The following SRC variants were observed in gnomAD, a reference collection of about 807,000 sequenced individuals.
SRC encodes SRC proto-oncogene, non-receptor tyrosine kinase, also known as proto-oncogene tyrosine-protein kinase Src.
In SRC, 13 loss-of-function variants were observed where a neutral mutation model predicts 62.9. The observed-to-expected ratio is 0.21, with a 90% CI of 0.13 to 0.33. The LOEUF (loss-of-function observed/expected upper bound fraction) is 0.33. Among genes scored for constraint, SRC ranks in the 10% least tolerant of loss-of-function variants. The pLI is 1.00. For missense variants in SRC, 457 were observed against 737.3 expected (o/e 0.62, Z 4.40); for synonymous variants, 302 against 317.5 (o/e 0.95, Z 0.52).
Position 37,403,018 on chromosome 20 carries a change from G to A in SRC, c.1402+138G>A. 2 of 1,332,266 alleles carry A rather than the reference G, an allele frequency of 1.5e-6. No homozygotes were observed. The highest frequency in any genetic ancestry group is 1.4e-5 in the South Asian group (1 of 69,064). 82.5% of individuals were successfully genotyped at this position (1,332,266 alleles called of 1,614,324 possible). A position where few individuals can be genotyped will look rare whatever the true frequency, so the allele number is the denominator to read the frequency against. ...TGAGCGTCTGATGTTAGGCTCTCTCGATGGTCCATGCTCTCAGCTTCGGGG... is the reference window on the plus strand; with the variant it reads ...TGAGCGTCTGATGTTAGGCTCTCTCAATGGTCCATGCTCTCAGCTTCGGGG... On this transcript the variant is annotated intron_variant, in intron 13 of 13. Coordinates refer to ENST00000373578, the MANE Select transcript of SRC (RefSeq NM_198291.3). The surrounding 1 kb of genome is among the most constrained non-coding windows in gnomAD (Gnocchi z 7.1).
Position 37,393,887 on chromosome 20 carries a change from C to T in SRC, c.351-8C>T, listed in dbSNP as rs766850568. 6.2e-7 allele frequency: 1 copy of T among 1,608,960 alleles called. No individual in the cohort carries two copies. The highest frequency in any genetic ancestry group is 8.5e-7 in the Non-Finnish European group (1 of 1,175,548). On this transcript the variant is annotated splice_polypyrimidine_tract_variant and splice_region_variant and intron_variant, in intron 5 of 13. Transcript: ENST00000373578. ...TCTCCTTTCCTCCCTCCTTCTGTCCCTGCTCAGAGAGGGAGACTGGTGGCT... is the reference window on the plus strand; with the variant it reads ...TCTCCTTTCCTCCCTCCTTCTGTCCTTGCTCAGAGAGGGAGACTGGTGGCT...
chr20:37,383,108 G>T (rs1214798059), intron 3 of SRC, among the ~76,000 whole-genome samples: 1 of 152,190 alleles, frequency 6.6e-6, no homozygotes, highest in Non-Finnish European at 1.5e-5. Flanking sequence ...AAAAGCCCAC[G>T]ACAGTAGTCA....
intron 2 of SRC, among the ~76,000 whole-genome samples, chr20:37,378,329 G>C (rs574734214): frequency 1.3e-5 from 2 of 151,696 alleles, no homozygotes; most frequent in Non-Finnish European, 2.9e-5. Context: ...CTTCTATAGA[G>C]ATACAGTCTC....
chr20:37,401,730 C>G (rs1236545789), intron 11 of SRC, 52 bp downstream of exon 11: 3 of 1,431,320 alleles, frequency 2.1e-6, no homozygotes, highest in Non-Finnish European at 2.9e-6. Flanking sequence ...AGCACCCAGA[C>G]CCATCTGGTG....
chr20:37,386,190 C>G lies in SRC; in HGVS notation c.350+16C>G, dbSNP rs763506536. On this transcript the variant is annotated intron_variant, in intron 5 of 13. Transcript: ENST00000373578. ...TCAACAACACGTGAGTGCCCCCTTCCCTATTGCCCCTCAGGGCTGGGTGGT... is the reference window on the plus strand; with the variant it reads ...TCAACAACACGTGAGTGCCCCCTTCGCTATTGCCCCTCAGGGCTGGGTGGT... 7 of 1,612,278 alleles carry G rather than the reference C, an allele frequency of 4.3e-6. No homozygotes were observed. The Admixed American group carries it at 1.2e-4, about 27-fold the overall frequency.
At chr20:37,372,789 T>C (rs981887905) in intron 2 of SRC, among the ~76,000 whole-genome samples, 1 of 152,174 alleles carries the variant, frequency 6.6e-6, no homozygotes, top group Non-Finnish European at 1.5e-5. Context: ...TTATGGGAGC[T>C]TATTATATAC....
Position 37,402,965 on chromosome 20 carries a change from T to C in SRC, c.1402+85T>C, listed in dbSNP as rs2070764365. 3.3e-6 allele frequency: 5 copies of C among 1,508,582 alleles called. No homozygotes were observed. The highest frequency in any genetic ancestry group is 1.3e-5 in the South Asian group (1 of 78,572). 93.4% of individuals were successfully genotyped at this position (1,508,582 alleles called of 1,614,324 possible). ...GGCAAGTCATGACTCCTGCTGGGCC[T>C]GTTTCCCCACCCGTAAAACAAAGAA... is the stretch of plus-strand genomic sequence containing the variant. On this transcript the variant is annotated intron_variant, in intron 13 of 13. Coordinates refer to ENST00000373578, the MANE Select transcript of SRC (RefSeq NM_198291.3). This position sits in a 1 kb window ranked among gnomAD's most constrained non-coding sequence, Gnocchi z 6.2.
rs187485259 is a variant in SRC at position 37,404,530 on chromosome 20, C to T, written c.*1151C>T. On this transcript the variant is annotated 3_prime_UTR_variant, in exon 14 of 14. Coordinates refer to ENST00000373578, the MANE Select transcript of SRC (RefSeq NM_198291.3). Reference sequence around the variant, plus strand: ...CCTGGCCCTGTTCTCCTCCCCAAGTCGGCACCCTTTAACTCATGAGGAGGG... The same window carrying T: ...CCTGGCCCTGTTCTCCTCCCCAAGTTGGCACCCTTTAACTCATGAGGAGGG... 5.6e-5 allele frequency: 13 copies of T among 233,672 alleles called. No homozygotes were observed. The highest frequency in any genetic ancestry group is 1.2e-4 in the East Asian group (2 of 16,572). The allele number at this position is 233,672 out of a possible 1,614,324, so 14.5% of individuals were successfully genotyped here. A position where few individuals can be genotyped will look rare whatever the true frequency, so the allele number is the denominator to read the frequency against.
At position 37,393,700 on chromosome 20, in the gene SRC, G is replaced by C. The variant is rs139656317; in HGVS notation, c.351-195G>C. The C allele has an allele frequency of 4.6e-5, 26 of 565,666 alleles. 1 individual carries two copies. The highest frequency in any genetic ancestry group is 4.5e-4 in the Middle Eastern group (1 of 2,222). The allele number at this position is 565,666 out of a possible 1,614,324, so 35.0% of individuals were successfully genotyped here. A position where few individuals can be genotyped will look rare whatever the true frequency, so the allele number is the denominator to read the frequency against. ...TCTGATCCAGCTTTGGCAAAAAGGCGTCTGCGCCAGGGAGGGGAGGAGTTC... is the reference window on the plus strand; with the variant it reads ...TCTGATCCAGCTTTGGCAAAAAGGCCTCTGCGCCAGGGAGGGGAGGAGTTC... On this transcript the variant is annotated intron_variant, in intron 5 of 13. Transcript: ENST00000373578.
rs201168490 is a variant in SRC at position 37,403,621 on chromosome 20, G to A, written c.*242G>A. ...TGTCCAGCTCCCGCTGTGGCCGCAC[G>A]CCTCTCCCTGCACTCCCTCCTGGAG... On this transcript the variant is annotated 3_prime_UTR_variant, in exon 14 of 14. Coordinates refer to ENST00000373578, the MANE Select transcript of SRC (RefSeq NM_198291.3). The surrounding 1 kb of genome is among the most constrained non-coding windows in gnomAD (Gnocchi z 7.1). The A allele has an allele frequency of 5.8e-5, 32 of 552,384 alleles. No individual in the cohort carries two copies. In the East Asian group the frequency reaches 5.9e-4, roughly 10 times the overall value. 34.2% of individuals were successfully genotyped at this position (552,384 alleles called of 1,614,324 possible).
rs950832244 is a variant in SRC at position 37,384,968 on chromosome 20, A to T, written c.250+565A>T. On this transcript the variant is annotated intron_variant, in intron 4 of 13. Coordinates refer to ENST00000373578, the MANE Select transcript of SRC (RefSeq NM_198291.3). The surrounding 1 kb of genome is among the most constrained non-coding windows in gnomAD (Gnocchi z 6.7). The stretch of plus-strand genomic sequence containing the variant: ...TTCACTCCTTCACTCAGACCCGTTC[A>T]CTCTCCCCACAGGCACACGCTGGGC... Among the ~76,000 whole-genome samples, 5 of 151,462 alleles carry T rather than the reference A, an allele frequency of 3.3e-5. No individual in the cohort carries two copies. Among genetic ancestry groups the T allele is most frequent in the African/African-American group, 1.2e-4 (5 of 41,168 alleles).
At chr20:37,400,622 T>G (rs2070723469) in intron 10 of SRC, among the ~76,000 whole-genome samples, 1 of 151,554 alleles carries the variant, frequency 6.6e-6, no homozygotes, top group Non-Finnish European at 1.5e-5. Flanking sequence ...GCTCAAGGAG[T>G]CCTCCCACTT....
Position 37,402,252 on chromosome 20 carries a change from C to G in SRC, c.1117-183C>G, listed in dbSNP as rs1344384475. On this transcript the variant is annotated intron_variant, in intron 11 of 13. Transcript: ENST00000373578. This position sits in a 1 kb window ranked among gnomAD's most constrained non-coding sequence, Gnocchi z 6.2. ...TCTGCTCTGTGCCCTGTGCTCCCTA[C>G]TCCCGCAGAGCACTGCTCCTGCTTT... is the stretch of plus-strand genomic sequence containing the variant. The G allele has an allele frequency of 6.0e-6, 4 of 668,860 alleles. No individual in the cohort carries two copies. The highest frequency in any genetic ancestry group is 9.9e-6 in the Non-Finnish European group (4 of 403,764). The allele number at this position is 668,860 out of a possible 1,614,324, so 41.4% of individuals were successfully genotyped here.
chr20:37,405,151 G>A lies in SRC; in HGVS notation c.*1772G>A, dbSNP rs1478241697. On this transcript the variant is annotated 3_prime_UTR_variant, in exon 14 of 14. Transcript: ENST00000373578. ...TCTCCCGTCCATTCCAGTCAAATCT[G>A]GGCTCACTCACCCCAGCGAGCTCTC... 8.6e-6 allele frequency: 2 copies of A among 232,668 alleles called. No individual in the cohort carries two copies. Among genetic ancestry groups the A allele is most frequent in the Admixed American group, 1.1e-4 (2 of 17,734 alleles). 14.4% of individuals were successfully genotyped at this position (232,668 alleles called of 1,614,324 possible).
At chr20:37,394,887 G>T (rs968200525) in intron 7 of SRC, among the ~76,000 whole-genome samples, 2 of 152,172 alleles carry the variant, frequency 1.3e-5, no homozygotes, top group African/African-American at 4.8e-5. Context: ...AGCCATGTGC[G>T]GGTGTGCATG....
intron 5 of SRC, among the ~76,000 whole-genome samples, chr20:37,390,295 C>A (rs2070525546): frequency 6.6e-6 from 1 of 151,650 alleles, no homozygotes; most frequent in South Asian, 2.1e-4. Flanking sequence ...AAAAGGGTCA[C>A]TGTGGAAATA....
chr20:37,385,822 C>G (rs1434620781), intron 4 of SRC, among the ~76,000 whole-genome samples: 3 of 152,264 alleles, frequency 2.0e-5, no homozygotes, highest in Admixed American at 1.3e-4. Flanking sequence ...GCACCCAGCA[C>G]TGCCCAAAGC....
chr20:37,360,924 C>T (rs2069958948), intron 1 of SRC, among the ~76,000 whole-genome samples: 1 of 152,208 alleles, frequency 6.6e-6, no homozygotes, highest in Admixed American at 6.5e-5. Context: ...CAAGGTCACA[C>T]AGCAAGGAAG....
intron 2 of SRC, among the ~76,000 whole-genome samples, chr20:37,373,225 T>G (rs551244295): frequency 6.7e-6 from 1 of 148,180 alleles, no homozygotes; most frequent in South Asian, 2.1e-4. Flanking sequence ...TGTACATACG[T>G]ACACACATGC....
Sources: gnomAD v4.1 joint callset for allele counts (sites outside exome capture counted in the v4.1 genomes callset) on GRCh38, gnomAD v4.1.1 for gene constraint, Gnocchi (gnomAD v3.1) non-coding constraint, MANE v1.5 for transcripts, NCBI Gene and HGNC (gene_info 2026-07-23, HGNC 2026-07-21) for gene names.